The following SH2D4A variants were observed in gnomAD, a reference collection of about 807,000 sequenced individuals.
SH2D4A encodes the protein SH2 domain containing 4A.
Under a neutral mutation model 64.7 loss-of-function variants are expected in SH2D4A, and 70 were observed. The observed-to-expected ratio is 1.08, with a 90% CI of 0.89 to 1.32. SH2D4A has a LOEUF of 1.32. SH2D4A is among the 40% of genes most tolerant of loss of function. The pLI, the probability that SH2D4A is intolerant of heterozygous loss-of-function variation, is 0.00. For synonymous variants in SH2D4A, 268 were observed against 200.7 expected (o/e 1.34, Z -2.83); for missense variants, 706 against 540.1 (o/e 1.31, Z -3.04).
intron 8 of SH2D4A, among the ~76,000 whole-genome samples, chr8:19,376,513 T>G (rs2153650490): frequency 6.6e-6 from 1 of 152,190 alleles, no homozygotes. Context: ...TTCTAGCTAC[T>G]CGGGAGGCTG....
intron 4 of SH2D4A, among the ~76,000 whole-genome samples, chr8:19,346,714 A>G (rs2052619520): frequency 6.6e-6 from 1 of 152,164 alleles, no homozygotes; most frequent in Admixed American, 6.5e-5. Flanking sequence ...ATTTAGCAAC[A>G]CTGACTCTTT....
chr8:19,320,485 A>C (rs368182714), intron 2 of SH2D4A, among the ~76,000 whole-genome samples: 1 of 152,034 alleles, frequency 6.6e-6, no homozygotes, highest in Non-Finnish European at 1.5e-5. Context: ...TTAGCTGGGC[A>C]TGGTGGTACA....
At chr8:19,356,951 C>A (rs950100260) in intron 4 of SH2D4A, among the ~76,000 whole-genome samples, 4 of 152,210 alleles carry the variant, frequency 2.6e-5, no homozygotes, top group Admixed American at 2.0e-4. Context: ...GCAAAATATA[C>A]CAAACCACCA....
intron 4 of SH2D4A, among the ~76,000 whole-genome samples, chr8:19,348,062 C>T (rs1209583148): frequency 6.6e-6 from 1 of 152,138 alleles, no homozygotes; most frequent in Admixed American, 6.5e-5. Flanking sequence ...AAACTTGACA[C>T]TGAAACTATG....
chr8:19,385,186 T>C (rs1296220306), intron 8 of SH2D4A, among the ~76,000 whole-genome samples: 1 of 151,752 alleles, frequency 6.6e-6, no homozygotes, highest in East Asian at 1.9e-4. Context: ...GGGATAGCAA[T>C]ATAGTTCACA....
chr8:19,319,287 A>G, intron 1 of SH2D4A, 57 bp from the exon 2 acceptor site: 1 of 1,139,336 alleles, frequency 8.8e-7, no homozygotes, highest in Non-Finnish European at 1.1e-6. Context: ...AACCCGTCCT[A>G]GCCAGTGTCC....
At chr8:19,386,159 C>T (rs2053388324) in intron 8 of SH2D4A, among the ~76,000 whole-genome samples, 1 of 152,214 alleles carries the variant, frequency 6.6e-6, no homozygotes, top group African/African-American at 2.4e-5. Flanking sequence ...GCTTCACCTA[C>T]ATTAATGTCA....
chr8:19,363,424 C>T (rs2052927666), intron 6 of SH2D4A, among the ~76,000 whole-genome samples: 1 of 152,048 alleles, frequency 6.6e-6, no homozygotes, highest in Non-Finnish European at 1.5e-5. Flanking sequence ...GTTACAGTTG[C>T]CTTATGATGC....
chr8:19,373,065 A>C (rs137881658), intron 7 of SH2D4A, among the ~76,000 whole-genome samples: 441 of 152,230 alleles, frequency 2.9e-3, no homozygotes, highest in Non-Finnish European at 4.8e-3. Context: ...ATTTTCTCAG[A>C]TGTTAATTGG....
At chr8:19,378,050 T>G (rs73601154) in intron 8 of SH2D4A, among the ~76,000 whole-genome samples, 2,338 of 152,320 alleles carry the variant, frequency 0.015, 55 homozygotes, top group African/African-American at 0.052. Flanking sequence ...ATAGTGAGAC[T>G]GAGCTCATAT....
At chr8:19,316,948 G>A (rs978897374) in intron 1 of SH2D4A, among the ~76,000 whole-genome samples, 2 of 152,216 alleles carry the variant, frequency 1.3e-5, no homozygotes, top group Non-Finnish European at 2.9e-5. Context: ...GGTACAAGAA[G>A]TGTTAGCTGT....
In SH2D4A at chr8:19,348,615, G is replaced by C. The variant is rs752399275; in HGVS notation, c.514-8588G>C. 2.6e-5 allele frequency among the ~76,000 whole-genome samples: 4 copies of C among 152,170 alleles called. 1 individual carries two copies. Among genetic ancestry groups the C allele is most frequent in the Non-Finnish European group, 5.9e-5 (4 of 68,044 alleles). On this transcript the variant is annotated intron_variant, in intron 4 of 9. Coordinates refer to ENST00000265807, the MANE Select transcript of SH2D4A (RefSeq NM_022071.4). ...TTTAAAAGGAGAGATTCAGAAGAGA[G>C]TTACTGAGATCAGAAGACGTCTTTG...
chr8:19,358,301 A>T (rs1315859839), intron 5 of SH2D4A, among the ~76,000 whole-genome samples: 1 of 152,226 alleles, frequency 6.6e-6, no homozygotes, highest in Non-Finnish European at 1.5e-5. Context: ...TGAAAAAATC[A>T]GACAAAATTC....
chr8:19,316,322 A>G (rs1293912366), intron 1 of SH2D4A, among the ~76,000 whole-genome samples: 1 of 152,254 alleles, frequency 6.6e-6, no homozygotes, highest in African/African-American at 2.4e-5. Context: ...AAACAACATA[A>G]AAATGGAAAT....
chr8:19,357,712 A>G (rs1199382376), intron 5 of SH2D4A, among the ~76,000 whole-genome samples: 2 of 152,144 alleles, frequency 1.3e-5, no homozygotes, highest in African/African-American at 4.8e-5. Flanking sequence ...CATGCCTGGA[A>G]CCCCTTCTGG....
intron 7 of SH2D4A, among the ~76,000 whole-genome samples, chr8:19,370,242 T>G (rs2053072152): frequency 6.6e-6 from 1 of 152,092 alleles, no homozygotes; most frequent in African/African-American, 2.4e-5. Context: ...GCTGGTTGAT[T>G]AGAATAGTCT....
chr8:19,337,335 G>T (rs2052459810), intron 4 of SH2D4A, among the ~76,000 whole-genome samples: 1 of 152,096 alleles, frequency 6.6e-6, no homozygotes, highest in Non-Finnish European at 1.5e-5. Flanking sequence ...TATTTTTATT[G>T]TAAGTTGTGT....
At chr8:19,355,728 T>G (rs1291561022) in intron 4 of SH2D4A, among the ~76,000 whole-genome samples, 2 of 152,196 alleles carry the variant, frequency 1.3e-5, no homozygotes, top group South Asian at 2.1e-4. Flanking sequence ...AAAATAATAC[T>G]AAGACACTAA....
intron 8 of SH2D4A, among the ~76,000 whole-genome samples, chr8:19,390,698 C>G (rs943005923): frequency 4.6e-5 from 7 of 152,206 alleles, no homozygotes; most frequent in African/African-American, 1.7e-4. Flanking sequence ...GGAACCTGCC[C>G]TCTGTCCCAT....
Sources: allele counts gnomAD v4.1 joint callset (sites outside exome capture counted in the v4.1 genomes callset), GRCh38; gene constraint gnomAD v4.1.1; transcripts MANE v1.5; gene names NCBI Gene and HGNC (gene_info 2026-07-23, HGNC 2026-07-21).